Variants in DENND1B observed in about 807,000 individuals in gnomAD.
DENND1B encodes the protein DENN domain containing 1B.
Under a neutral mutation model 90.1 loss-of-function variants are expected in DENND1B, and 59 were observed. The ratio of observed to expected loss-of-function variants is 0.65; its 90% confidence interval spans 0.53 to 0.81. The LOEUF (loss-of-function observed/expected upper bound fraction) is 0.81. Ranked by LOEUF, DENND1B falls within the 40% of genes least tolerant of loss-of-function variation. The pLI, the probability that DENND1B is intolerant of heterozygous loss-of-function variation, is 0.00. For missense variants in DENND1B, 862 were observed against 912.6 expected (o/e 0.94, Z 0.71); for synonymous variants, 337 against 324.6 (o/e 1.04, Z -0.41).
chr1:197,635,934 C>T (rs1228589061), intron 10 of DENND1B, among the ~76,000 whole-genome samples: 1 of 150,582 alleles, frequency 6.6e-6, no homozygotes, highest in Admixed American at 6.6e-5. Context: ...CAACACTGTC[C>T]TAAGAGACAG....
chr1:197,776,044 G>A (rs1378335505), upstream of DENND1B, among the ~76,000 whole-genome samples: 1 of 152,220 alleles, frequency 6.6e-6, no homozygotes, highest in East Asian at 1.9e-4. Flanking sequence ...GTGGGAGGCA[G>A]ACATTCCTAT....
At chr1:197,565,048 A>G (rs1193353671) in intron 15 of DENND1B, among the ~76,000 whole-genome samples, 4 of 151,966 alleles carry the variant, frequency 2.6e-5, no homozygotes, top group African/African-American at 7.2e-5. Context: ...TGCAATTACC[A>G]TCTCCTATCT....
At chr1:197,780,673 C>G (rs1657405844), upstream of DENND1B, among the ~76,000 whole-genome samples, 2 of 152,230 alleles carry the variant, frequency 1.3e-5, no homozygotes, top group East Asian at 1.9e-4. Context: ...ACTTGATTGC[C>G]TGCTCTTCAA....
intron 2 of DENND1B, 83 bp from the exon 3 acceptor site, chr1:197,715,157 T>C (rs558855708): frequency 8.5e-5 from 94 of 1,105,928 alleles, no homozygotes; most frequent in Non-Finnish European, 1.1e-4. Flanking sequence ...CTCTTAAAAT[T>C]GTCAAAGCTA....
rs575713572 is a variant in DENND1B at position 197,752,176 on chromosome 1, G to A, written c.82+20692C>T. ...TAATAAAAAAAGAGAGGTGATATGC[G>A]AATTATTAATATTGGAAGAAAAGGG... is the stretch of plus-strand genomic sequence containing the variant. On this transcript the variant is annotated intron_variant, in intron 2 of 22. Coordinates refer to ENST00000620048, the MANE Select transcript of DENND1B (RefSeq NM_001195215.2). 3.8e-3 allele frequency among the ~76,000 whole-genome samples: 573 copies of A among 151,864 alleles called. 14 individuals are homozygous for A. The highest frequency in any genetic ancestry group is 0.013 in the African/African-American group (541 of 41,302).
intron 2 of DENND1B, among the ~76,000 whole-genome samples, chr1:197,770,239 C>A (rs182927169): frequency 3.3e-5 from 5 of 152,162 alleles, no homozygotes. Context: ...TTTACTTTAA[C>A]CATTTATCAT....
At chr1:197,731,066 C>T (rs1662102079) in intron 2 of DENND1B, among the ~76,000 whole-genome samples, 1 of 152,004 alleles carries the variant, frequency 6.6e-6, no homozygotes, top group South Asian at 2.1e-4. Context: ...ATACTGGCTA[C>T]TAGAAAGTTT....
At chr1:197,518,422 T>C (rs1475946338) in intron 20 of DENND1B, among the ~76,000 whole-genome samples, 1 of 151,964 alleles carries the variant, frequency 6.6e-6, no homozygotes, top group Non-Finnish European at 1.5e-5. Flanking sequence ...ACTTACATGC[T>C]GTCTGCCTGA....
intron 2 of DENND1B, among the ~76,000 whole-genome samples, chr1:197,768,274 C>CCTA (rs367930633): frequency 1.5e-4 from 23 of 150,774 alleles, no homozygotes; most frequent in African/African-American, 4.9e-4. Flanking sequence ...TCCTCCTCCT[C>CCTA]CTACTACTAC....
intron 20 of DENND1B, among the ~76,000 whole-genome samples, chr1:197,535,898 A>G (rs1669841109): frequency 6.6e-6 from 1 of 152,140 alleles, no homozygotes; most frequent in Non-Finnish European, 1.5e-5. Context: ...GGCCTATAAG[A>G]TCTGTGTCAA....
At chr1:197,612,361 C>G (rs971992195) in intron 11 of DENND1B, among the ~76,000 whole-genome samples, 1 of 150,500 alleles carries the variant, frequency 6.6e-6, no homozygotes, top group Non-Finnish European at 1.5e-5. Flanking sequence ...TTATTAACAT[C>G]CGTTTTGCAC....
chr1:197,691,281 G>C (rs1355600953), intron 3 of DENND1B, among the ~76,000 whole-genome samples: 2 of 148,584 alleles, frequency 1.3e-5, no homozygotes, highest in Non-Finnish European at 3.0e-5. Context: ...AAAAAGACCT[G>C]ATCAAAAATT....
chr1:197,773,025 GTCTC>G, intron 1 of DENND1B, 93 bp from the exon 2 acceptor site: 1 of 1,073,150 alleles, frequency 9.3e-7, no homozygotes, highest in Non-Finnish European at 1.4e-6. Flanking sequence ...TCTTGTTTTT[GTCTC>G]AATACATTTC....
chr1:197,591,990 T>A (rs1289800351), intron 14 of DENND1B, among the ~76,000 whole-genome samples: 3 of 149,740 alleles, frequency 2.0e-5, no homozygotes, highest in Non-Finnish European at 3.0e-5. Flanking sequence ...GCACCTGTAG[T>A]CCCTGCTACT....
chr1:197,713,757 AAT>A (rs1244253878), intron 3 of DENND1B, among the ~76,000 whole-genome samples: 15 of 80,500 alleles, frequency 1.9e-4, no homozygotes, highest in Non-Finnish European at 2.6e-4. Flanking sequence ...TTAAAAAAAA[AAT>A]AATTATATTA....
At chr1:197,643,080 G>A (rs1466491266) in intron 9 of DENND1B, among the ~76,000 whole-genome samples, 1 of 151,986 alleles carries the variant, frequency 6.6e-6, no homozygotes, top group Non-Finnish European at 1.5e-5. Context: ...TTTCTTACCC[G>A]CTAAGTATTT....
chr1:197,720,586 G>C (rs1661077350), intron 2 of DENND1B, among the ~76,000 whole-genome samples: 1 of 151,976 alleles, frequency 6.6e-6, no homozygotes, highest in Admixed American at 6.6e-5. Context: ...ACGGTTTAAG[G>C]AAACAATTCA....
At chr1:197,727,435 T>C in intron 2 of DENND1B, among the ~76,000 whole-genome samples, 1 of 150,938 alleles carries the variant, frequency 6.6e-6, no homozygotes, top group African/African-American at 2.4e-5. Context: ...CTTGGGAGGC[T>C]GAGGCAGGAA....
At position 197,619,721 on chromosome 1, in the gene DENND1B, C is replaced by A. The variant is rs149521648; in HGVS notation, c.673-1962G>T. Among the ~76,000 whole-genome samples the A allele has an allele frequency of 2.4e-4, 36 of 151,346 alleles. No homozygotes were observed. The East Asian group carries it at 6.8e-3, about 29-fold the overall frequency. ...TGTAAATACTTTCCCTGCCTCCTTA[C>A]TGGTCATCCTTAAATGAAGTTTTAT... On this transcript the variant is annotated intron_variant, in intron 10 of 22. Transcript: ENST00000620048.
Sources: allele counts gnomAD v4.1 joint callset (sites outside exome capture counted in the v4.1 genomes callset), GRCh38; gene constraint gnomAD v4.1.1; transcripts MANE v1.5; gene names NCBI Gene and HGNC (gene_info 2026-07-23, HGNC 2026-07-21).